NRG4: variants seen among roughly 807,000 people sequenced by gnomAD.
The protein encoded by NRG4 is neuregulin 4, also known as pro-neuregulin-4, membrane-bound isoform.
In NRG4, 10 loss-of-function variants were observed where a neutral mutation model predicts 15.0. That is an observed-to-expected ratio of 0.67 (90% CI 0.41 to 1.13). NRG4 has a LOEUF of 1.13. Ranked by LOEUF, NRG4 falls within the 50% of genes most tolerant of loss-of-function variation. The probability of loss-of-function intolerance (pLI) is 0.00; values close to 1 mark genes in which losing one functional copy is unlikely to be tolerated. For synonymous variants in NRG4, 41 were observed against 50.1 expected (o/e 0.82, Z 0.77); for missense variants, 139 against 140.2 (o/e 0.99, Z 0.04).
Position 76,022,087 on chromosome 15 carries a change from GC to G in NRG4, c.-56-10802del, listed in dbSNP as rs142174094. ...AGGCGGAGCACAGGCCATGAGGCTT[GC>G]TTGCCTGCTGCTCACCTGCTGTGTG... is the stretch of plus-strand genomic sequence containing the variant. On this transcript the variant is annotated intron_variant, in intron 5 of 8. Coordinates refer to the NRG4 transcript ENST00000563910. Among the ~76,000 whole-genome samples, 1,206 of 152,330 alleles carry G rather than the reference GC, an allele frequency of 7.9e-3. 13 individuals carry two copies. The highest frequency in any genetic ancestry group is 0.027 in the African/African-American group (1,137 of 41,574).
chr15:76,018,733 G>A (rs1402330497), intron 5 of NRG4, among the ~76,000 whole-genome samples: 5 of 152,288 alleles, frequency 3.3e-5, no homozygotes, highest in Non-Finnish European at 5.9e-5. Flanking sequence ...GCCAGATGCC[G>A]GCTGGAGCTC....
At chr15:76,053,527 T>C (rs971629895) in intron 2 of NRG4, among the ~76,000 whole-genome samples, 1 of 151,006 alleles carries the variant, frequency 6.6e-6, no homozygotes, top group Non-Finnish European at 1.5e-5. Context: ...CATGGATATG[T>C]ACTTGCTAGG....
chr15:75,954,708 A>G (rs2032129219), intron 5 of NRG4, among the ~76,000 whole-genome samples: 1 of 151,970 alleles, frequency 6.6e-6, no homozygotes, highest in Admixed American at 6.6e-5. Context: ...TACAGGTATG[A>G]GCCACCATGC....
chr15:75,968,810 CAT>C (rs984891134), intron 3 of NRG4, among the ~76,000 whole-genome samples: 2 of 151,848 alleles, frequency 1.3e-5, no homozygotes, highest in African/African-American at 4.8e-5. Context: ...ACAAAAAGTA[CAT>C]ATATGTTTTT....
At chr15:76,036,642 C>T (rs934904262) in intron 4 of NRG4, among the ~76,000 whole-genome samples, 5 of 152,194 alleles carry the variant, frequency 3.3e-5, no homozygotes, top group African/African-American at 1.2e-4. Flanking sequence ...AATGATAATG[C>T]CTCATTCAAA....
At chr15:76,037,142 A>C (rs1458478215) in intron 4 of NRG4, among the ~76,000 whole-genome samples, 1 of 152,216 alleles carries the variant, frequency 6.6e-6, no homozygotes, top group Non-Finnish European at 1.5e-5. Context: ...GGGATGGAGC[A>C]AGATGGCAGA....
chr15:76,043,454 A>G (rs968958408), intron 4 of NRG4, among the ~76,000 whole-genome samples: 5 of 152,242 alleles, frequency 3.3e-5, no homozygotes, highest in Non-Finnish European at 7.3e-5. Context: ...GCAAAGTTAC[A>G]GGATACAAAA....
At chr15:75,993,697 C>CAAA (rs61345409) in intron 3 of NRG4, among the ~76,000 whole-genome samples, 6 of 136,196 alleles carry the variant, frequency 4.4e-5, no homozygotes, top group African/African-American at 1.1e-4. Flanking sequence ...GACTCACTCT[C>CAAA]AAAAAAAAAA....
At chr15:76,018,431 T>G (rs1474171630) in intron 5 of NRG4, among the ~76,000 whole-genome samples, 3 of 152,192 alleles carry the variant, frequency 2.0e-5, no homozygotes, top group African/African-American at 7.2e-5. Flanking sequence ...ATTTTCAGCC[T>G]TTTTGTGCTG....
At chr15:76,050,055 C>T (rs2035959986) in intron 4 of NRG4, among the ~76,000 whole-genome samples, 1 of 151,006 alleles carries the variant, frequency 6.6e-6, no homozygotes, top group Admixed American at 6.6e-5. Context: ...CTATCATTCT[C>T]CATAGTCTTA....
At chr15:76,025,165 C>T (rs976132192) in intron 5 of NRG4, among the ~76,000 whole-genome samples, 2 of 152,134 alleles carry the variant, frequency 1.3e-5, no homozygotes, top group Admixed American at 6.5e-5. Flanking sequence ...AGGGGCTGGG[C>T]GTGGTGGCTC....
At chr15:76,041,739 T>G (rs2035745612) in intron 4 of NRG4, among the ~76,000 whole-genome samples, 1 of 152,152 alleles carries the variant, frequency 6.6e-6, no homozygotes, top group Non-Finnish European at 1.5e-5. Flanking sequence ...AGCTGGAGAT[T>G]CAACACCCCA....
intron 5 of NRG4, among the ~76,000 whole-genome samples, chr15:75,948,305 C>CTTTATTTATTTA (rs142980207): frequency 3.5e-4 from 50 of 144,522 alleles, no homozygotes; most frequent in African/African-American, 1.1e-3. Flanking sequence ...CTTTGATCCA[C>CTTTATTTATTTA]TTTATTTATT....
At chr15:76,005,774 A>C (rs753898122) in intron 3 of NRG4, 28 of 441,442 alleles carry the variant, frequency 6.3e-5, no homozygotes, top group South Asian at 4.6e-4. Context: ...ATCATCATAA[A>C]GGTCTTCATT....
intron 5 of NRG4, among the ~76,000 whole-genome samples, chr15:76,018,509 C>T (rs1185391467): frequency 6.6e-6 from 1 of 152,082 alleles, no homozygotes; most frequent in Non-Finnish European, 1.5e-5. Context: ...GATGGGGTTT[C>T]TAAGTGGACA....
At chr15:76,023,869 C>T (rs992345622) in intron 5 of NRG4, among the ~76,000 whole-genome samples, 4 of 152,172 alleles carry the variant, frequency 2.6e-5, no homozygotes, top group Non-Finnish European at 5.9e-5. Context: ...AGGGTGAACC[C>T]GCTGCTGAGC....
intron 5 of NRG4, among the ~76,000 whole-genome samples, chr15:75,947,989 G>A (rs566226057): frequency 8.5e-5 from 13 of 152,154 alleles, no homozygotes; most frequent in South Asian, 6.2e-4. Context: ...TCCTTTGCCC[G>A]TTTTTGAATT....
At chr15:75,995,713 T>C (rs1015406693) in intron 3 of NRG4, among the ~76,000 whole-genome samples, 3 of 152,052 alleles carry the variant, frequency 2.0e-5, no homozygotes, top group Non-Finnish European at 4.4e-5. Context: ...TGGATCAGAG[T>C]AGAATAAAGC....
At chr15:76,046,298 T>C (rs2035867988) in intron 4 of NRG4, among the ~76,000 whole-genome samples, 1 of 151,110 alleles carries the variant, frequency 6.6e-6, no homozygotes. Context: ...ACAGATTCAA[T>C]GCAATCTCTA....
Sources: allele counts gnomAD v4.1 joint callset (sites outside exome capture counted in the v4.1 genomes callset), GRCh38; gene constraint gnomAD v4.1.1; transcripts MANE v1.5; gene names NCBI Gene and HGNC (gene_info 2026-07-23, HGNC 2026-07-21).